The following VAMP4 variants were observed in gnomAD, a reference collection of about 807,000 sequenced individuals.
The protein encoded by VAMP4 is vesicle-associated membrane protein 4.
In VAMP4, 19 loss-of-function variants were observed where a neutral mutation model predicts 23.5. The observed-to-expected ratio is 0.81, with a 90% CI of 0.56 to 1.19. The LOEUF (loss-of-function observed/expected upper bound fraction) is 1.19, where lower values mean the gene tolerates loss of function less well. VAMP4 is among the 50% of genes most tolerant of loss of function. The probability of loss-of-function intolerance (pLI) is 0.00; values close to 1 mark genes in which losing one functional copy is unlikely to be tolerated. For synonymous variants in VAMP4, 31 were observed against 51.0 expected (o/e 0.61, Z 1.67); for missense variants, 145 against 168.6 (o/e 0.86, Z 0.78).
intron 4 of VAMP4, among the ~76,000 whole-genome samples, chr1:171,718,129 G>GA (rs1346081626): frequency 6.6e-6 from 1 of 152,148 alleles, no homozygotes; most frequent in Non-Finnish European, 1.5e-5. Flanking sequence ...CATGGCAATA[G>GA]AAAACTAATA....
At chr1:171,711,479 G>A (rs191800852) in intron 4 of VAMP4, among the ~76,000 whole-genome samples, 19 of 152,132 alleles carry the variant, frequency 1.2e-4, no homozygotes, top group Middle Eastern at 3.4e-3. Flanking sequence ...TCTGTTTTTC[G>A]ATTGTTTGTT....
chr1:171,718,792 T>TA (rs1655097926), intron 4 of VAMP4, among the ~76,000 whole-genome samples: 2 of 152,098 alleles, frequency 1.3e-5, no homozygotes, highest in South Asian at 4.1e-4. Flanking sequence ...AATCAAGTCA[T>TA]AAAAAAACCA....
At chr1:171,733,278 T>G (rs1312755100) in intron 2 of VAMP4, among the ~76,000 whole-genome samples, 3 of 98,650 alleles carry the variant, frequency 3.0e-5, no homozygotes, top group Non-Finnish European at 5.7e-5. Flanking sequence ...GGCAATACGG[T>G]GAAACCCCAT....
chr1:171,724,071 C>T (rs1655283739), intron 3 of VAMP4, among the ~76,000 whole-genome samples: 1 of 152,028 alleles, frequency 6.6e-6, no homozygotes, highest in Non-Finnish European at 1.5e-5. Flanking sequence ...TTGGAACCAA[C>T]CCAAATGTCC....
intron 2 of VAMP4, among the ~76,000 whole-genome samples, chr1:171,729,422 A>G (rs1655487337): frequency 6.6e-6 from 1 of 152,210 alleles, no homozygotes; most frequent in Non-Finnish European, 1.5e-5. Context: ...GCCTAAGGGT[A>G]ATTTCACACA....
chr1:171,710,242 C>CCAGT (rs148951845), intron 5 of VAMP4, among the ~76,000 whole-genome samples: 52,590 of 149,978 alleles, frequency 0.35, 9,593 homozygotes, highest in African/African-American at 0.47. Flanking sequence ...CAGCCATTCA[C>CCAGT]CAAACAATAT....
rs1248044344 is a variant in VAMP4 at position 171,704,358 on chromosome 1, T to C, written c.*148A>G. 1 of 473,902 alleles carries C rather than the reference T, an allele frequency of 2.1e-6. No individual in the cohort carries two copies. Among genetic ancestry groups the C allele is most frequent in the Admixed American group, 4.5e-5 (1 of 22,398 alleles). The allele number at this position is 473,902 out of a possible 1,614,324, so 29.4% of individuals were successfully genotyped here. On this transcript the variant is annotated 3_prime_UTR_variant, in exon 8 of 8. Transcript: ENST00000236192. ...AAAGGGAGAAGATAATTGGACATTC[T>C]CAACGTTCCAATTTGAAGTGATACT...
At chr1:171,728,861 C>T (rs1655461805) in intron 2 of VAMP4, among the ~76,000 whole-genome samples, 1 of 152,168 alleles carries the variant, frequency 6.6e-6, no homozygotes, top group African/African-American at 2.4e-5. Context: ...CAGGAGGGAG[C>T]AAGTCCCCTC....
chr1:171,718,811 G>T (rs1655098246), intron 4 of VAMP4, among the ~76,000 whole-genome samples: 1 of 152,094 alleles, frequency 6.6e-6, no homozygotes, highest in Non-Finnish European at 1.5e-5. Context: ...CAACAATCCT[G>T]CATTTCCTTA....
rs1572236317 is a variant in VAMP4, at chr1:171,704,510, G to A, written c.422C>T (p.Thr141Ile). 1.3e-6 allele frequency: 2 copies of A among 1,582,472 alleles called. No homozygotes were observed. Among genetic ancestry groups the A allele is most frequent in the East Asian group, 4.6e-5 (2 of 43,306 alleles). Residue 141 changes from threonine (T) to isoleucine (I), a missense_variant, in exon 8 of 8, where the codon ACT (threonine) becomes ATT (isoleucine). Physicochemically the swap from Thr to Ile is moderately conservative, Grantham distance 89. Coordinates refer to ENST00000236192, the MANE Select transcript of VAMP4 (RefSeq NM_003762.5). ...IIILIVMKYR[T>I] ...ATGAAGATCTCTGTCATCAAATCAA[G>A]TACGGTATTTCATGACTATAAGAAC...
rs1654485333 is a variant in VAMP4, at chr1:171,702,688, C to T, written c.*1818G>A. On this transcript the variant is annotated 3_prime_UTR_variant, in exon 8 of 8. Coordinates refer to ENST00000236192, the MANE Select transcript of VAMP4 (RefSeq NM_003762.5). Reference sequence around the variant, plus strand: ...ATTTCCATTCCTGAATTATTAGCTACTGAAATTCTAAAAATGCTCATTTTT... The same window carrying T: ...ATTTCCATTCCTGAATTATTAGCTATTGAAATTCTAAAAATGCTCATTTTT... 6.6e-6 allele frequency: 1 copy of T among 151,930 alleles called. No individual in the cohort carries two copies. The highest frequency in any genetic ancestry group is 2.4e-5 in the African/African-American group (1 of 41,428). The allele number at this position is 151,930 out of a possible 1,614,324, so 9.4% of individuals were successfully genotyped here.
chr1:171,738,911 G>C (rs1029244457), intron 1 of VAMP4, among the ~76,000 whole-genome samples: 3 of 152,092 alleles, frequency 2.0e-5, no homozygotes, highest in Non-Finnish European at 4.4e-5. Context: ...GAGTTGGGAC[G>C]GTCAAATTGG....
At chr1:171,715,494 T>A (rs1416285722) in intron 4 of VAMP4, among the ~76,000 whole-genome samples, 1 of 152,196 alleles carries the variant, frequency 6.6e-6, no homozygotes, top group East Asian at 1.9e-4. Flanking sequence ...CCTTACTACG[T>A]ATGTGACTTT....
In VAMP4 at chr1:171,706,563, G is replaced by A. The variant is rs193262310; in HGVS notation, c.346-145C>T. On this transcript the variant is annotated intron_variant, in intron 6 of 7. Transcript: ENST00000236192. The stretch of plus-strand genomic sequence containing the variant: ...ACAAAACTGACACAGAATGCTCTTA[G>A]GCAAAGTTGCTTATTACATGAGGCT... The A allele has an allele frequency of 6.9e-3, 4,357 of 632,478 alleles. 25 individuals are homozygous for A. The highest frequency in any genetic ancestry group is 0.016 in the Middle Eastern group (31 of 1,988). The allele number at this position is 632,478 out of a possible 1,614,324, so 39.2% of individuals were successfully genotyped here. A position where few individuals can be genotyped will look rare whatever the true frequency, so the allele number is the denominator to read the frequency against.
At chr1:171,737,986 T>C (rs1655796255) in intron 2 of VAMP4, among the ~76,000 whole-genome samples, 1 of 152,198 alleles carries the variant, frequency 6.6e-6, no homozygotes, top group Non-Finnish European at 1.5e-5. Flanking sequence ...ATTAGTTAAT[T>C]AATTTTTGAG....
intron 2 of VAMP4, among the ~76,000 whole-genome samples, chr1:171,736,505 A>C (rs1229174305): frequency 6.6e-6 from 1 of 152,206 alleles, no homozygotes; most frequent in East Asian, 1.9e-4. Flanking sequence ...TTGAAACTGC[A>C]CCAAATGCTA....
rs113622734 is a variant in VAMP4, at chr1:171,737,763, C to T, written c.66+586G>A. Among the ~76,000 whole-genome samples the T allele has an allele frequency of 1.2e-4, 19 of 152,236 alleles. 3 individuals are homozygous for T. Among genetic ancestry groups the T allele is most frequent in the African/African-American group, 4.3e-4 (18 of 41,552 alleles). On this transcript the variant is annotated intron_variant, in intron 2 of 7. Coordinates refer to ENST00000236192, the MANE Select transcript of VAMP4 (RefSeq NM_003762.5). The stretch of plus-strand genomic sequence containing the variant: ...TCTAAAATCTGAAAAATTCCAAATA[C>T]ATTCAAAGTTCTGAATAAGATATTG...
intron 4 of VAMP4, among the ~76,000 whole-genome samples, chr1:171,713,901 A>G (rs1038889256): frequency 1.3e-5 from 2 of 152,232 alleles, no homozygotes; most frequent in African/African-American, 4.8e-5. Flanking sequence ...CAGAACCAAT[A>G]AAATTCTAGA....
At chr1:171,738,237 C>T (rs183450370) in intron 2 of VAMP4, 112 bp downstream of exon 2, 29 of 1,158,492 alleles carry the variant, frequency 2.5e-5, no homozygotes, top group Admixed American at 1.9e-4. Flanking sequence ...CCAAGTGCGG[C>T]GATTGCAGGC....
Sources: gnomAD v4.1 joint callset for allele counts (sites outside exome capture counted in the v4.1 genomes callset) on GRCh38, gnomAD v4.1.1 for gene constraint, MANE v1.5 for transcripts, NCBI Gene and HGNC (gene_info 2026-07-23, HGNC 2026-07-21) for gene names.